NAV2: variants seen among roughly 807,000 people sequenced by gnomAD.
The protein encoded by NAV2 is neuron navigator 2.
In NAV2, 54 loss-of-function variants were observed where a neutral mutation model predicts 223.2. That is an observed-to-expected ratio of 0.24 (90% confidence interval 0.19 to 0.30). The LOEUF (loss-of-function observed/expected upper bound fraction) is 0.30, where lower values mean the gene tolerates loss of function less well. Ranked by LOEUF, NAV2 falls within the 10% of genes least tolerant of loss-of-function variation. The probability of loss-of-function intolerance (pLI) is 1.00; values close to 1 mark genes in which losing one functional copy is unlikely to be tolerated. For missense variants in NAV2, 2,806 were observed against 3,147.5 expected, an observed-to-expected ratio of 0.89 and a Z score of 2.60; for synonymous variants, 1,279 against 1,239.3, an observed-to-expected ratio of 1.03 and a Z score of -0.67.
intron 22 of NAV2, among the ~76,000 whole-genome samples, chr11:20,071,680 T>C (rs1419603899): frequency 6.7e-6 from 1 of 150,346 alleles, no homozygotes; most frequent in Non-Finnish European, 1.5e-5. Context: ...TGGTATCTCA[T>C]TGTGGTTTTG....
chr11:19,966,586 C>A (rs1442645747), intron 10 of NAV2, among the ~76,000 whole-genome samples: 1 of 152,224 alleles, frequency 6.6e-6, no homozygotes, highest in Admixed American at 6.5e-5. Flanking sequence ...TTCCTTGATA[C>A]AGACACCATG....
chr11:19,527,985 A>G (rs957153542), intron 1 of NAV2, among the ~76,000 whole-genome samples: 3 of 139,150 alleles, frequency 2.2e-5, no homozygotes, highest in Non-Finnish European at 4.5e-5. Context: ...CCTGGGAATC[A>G]GGCTGCAATT....
At chr11:19,571,343 T>C (rs889841651) in intron 1 of NAV2, among the ~76,000 whole-genome samples, 2 of 152,184 alleles carry the variant, frequency 1.3e-5, no homozygotes, top group Non-Finnish European at 2.9e-5. Flanking sequence ...ATGATGAAAA[T>C]GTCTTGGAAC....
intron 26 of NAV2, among the ~76,000 whole-genome samples, chr11:20,087,035 C>T (rs1383414682): frequency 2.0e-5 from 3 of 152,004 alleles, no homozygotes; most frequent in Non-Finnish European, 4.4e-5. Flanking sequence ...GATCAGAGGG[C>T]AAGAGGGCAA....
chr11:20,066,679 C>T (rs1320415201), intron 20 of NAV2, among the ~76,000 whole-genome samples: 1 of 152,186 alleles, frequency 6.6e-6, no homozygotes, highest in South Asian at 2.1e-4. Flanking sequence ...TCTAATGAAT[C>T]ATACCCACTT....
intron 11 of NAV2, among the ~76,000 whole-genome samples, chr11:20,004,624 C>T (rs928203728): frequency 8.5e-5 from 13 of 152,260 alleles, no homozygotes; most frequent in South Asian, 8.3e-4. Context: ...CATAAATTCC[C>T]TCTCCCTCCC....
intron 1 of NAV2, among the ~76,000 whole-genome samples, chr11:19,395,635 G>A (rs187925746): frequency 1.2e-3 from 177 of 152,302 alleles, no homozygotes; most frequent in African/African-American, 2.6e-3. Context: ...AGTGGACAGC[G>A]GCTGAGCCAC....
chr11:19,799,299 TAGAA>T (rs1332278164), intron 1 of NAV2, among the ~76,000 whole-genome samples: 2 of 152,048 alleles, frequency 1.3e-5, no homozygotes, highest in African/African-American at 4.8e-5. Flanking sequence ...TCACAGGACT[TAGAA>T]AGGTAAGGAA....
chr11:19,633,241 G>A (rs1319405618), intron 1 of NAV2, among the ~76,000 whole-genome samples: 1 of 152,130 alleles, frequency 6.6e-6, no homozygotes, highest in Non-Finnish European at 1.5e-5. Flanking sequence ...CGCAATTCAG[G>A]GGCCTCTTCT....
intron 6 of NAV2, among the ~76,000 whole-genome samples, chr11:19,912,057 A>T (rs2043358090): frequency 6.6e-6 from 1 of 152,200 alleles, no homozygotes; most frequent in African/African-American, 2.4e-5. Flanking sequence ...AATTTCTACT[A>T]GGTTACATCC....
chr11:19,921,663 T>G (rs1275694989), intron 6 of NAV2, among the ~76,000 whole-genome samples: 3 of 152,244 alleles, frequency 2.0e-5, no homozygotes, highest in African/African-American at 7.2e-5. Flanking sequence ...TGGGGTAGAC[T>G]AGAAGTGCAA....
chr11:19,698,143 C>T (rs557223539), intron 1 of NAV2, among the ~76,000 whole-genome samples: 2 of 152,290 alleles, frequency 1.3e-5, no homozygotes, highest in African/African-American at 4.8e-5. Flanking sequence ...GGGGTGTAAT[C>T]GTTACACACA....
chr11:19,499,746 C>T (rs1158570233), intron 1 of NAV2, among the ~76,000 whole-genome samples: 1 of 152,304 alleles, frequency 6.6e-6, no homozygotes, highest in African/African-American at 2.4e-5. Context: ...CTGGCCCAGG[C>T]CTGGCAGGTT....
intron 10 of NAV2, among the ~76,000 whole-genome samples, chr11:19,975,500 A>T (rs2049639082): frequency 6.6e-6 from 1 of 152,188 alleles, no homozygotes; most frequent in African/African-American, 2.4e-5. Context: ...TTAGTATTAG[A>T]TGGAATTTTA....
rs550057992 is a variant in NAV2, at chr11:19,529,798, C to T, written c.75+178771C>T. On this transcript the variant is annotated intron_variant, in intron 1 of 37. Transcript: ENST00000360655. ...ACTCAGTGACCGGTGAAGAGACCAG[C>T]GGGCCTCCTGCCCTACATAGGTGTT... Among the ~76,000 whole-genome samples, 17 of 152,316 alleles carry T rather than the reference C, an allele frequency of 1.1e-4. 2 individuals are homozygous for T. The highest frequency in any genetic ancestry group is 3.4e-3 in the Middle Eastern group (1 of 294).
intron 26 of NAV2, among the ~76,000 whole-genome samples, chr11:20,089,316 A>C (rs995510366): frequency 2.0e-5 from 3 of 152,240 alleles, no homozygotes; most frequent in African/African-American, 7.2e-5. Flanking sequence ...GGTTCAGGTC[A>C]AGAAAAGAGC....
At chr11:20,088,358 T>C (rs1331825371) in intron 26 of NAV2, among the ~76,000 whole-genome samples, 1 of 152,190 alleles carries the variant, frequency 6.6e-6, no homozygotes, top group Non-Finnish European at 1.5e-5. Context: ...AGCTAATTTG[T>C]GTATTTTTAG....
intron 1 of NAV2, chr11:19,519,966 C>T (rs2043590247): frequency 6.6e-6 from 1 of 152,244 alleles, no homozygotes; most frequent in South Asian, 2.1e-4. Context: ...TTTTGTGCTA[C>T]ATAAAGCAGA....
At chr11:19,520,355 G>T (rs913954837) in intron 1 of NAV2, among the ~76,000 whole-genome samples, 1 of 152,224 alleles carries the variant, frequency 6.6e-6, no homozygotes, top group Admixed American at 6.5e-5. Flanking sequence ...TAAATGACTT[G>T]CCAGGGCAGA....
Sources: allele counts gnomAD v4.1 joint callset (sites outside exome capture counted in the v4.1 genomes callset), GRCh38; gene constraint gnomAD v4.1.1; transcripts MANE v1.5; gene names NCBI Gene and HGNC (gene_info 2026-07-23, HGNC 2026-07-21).